ATOX1: variants seen among roughly 807,000 people sequenced by gnomAD.
ATOX1 encodes the protein copper transport protein ATOX1.
Under a neutral mutation model 7.3 loss-of-function variants are expected in ATOX1, and 4 were observed. The ratio of observed to expected loss-of-function variants is 0.55; its 90% CI spans 0.27 to 1.25. ATOX1 has a LOEUF of 1.25. Among genes scored for constraint, ATOX1 ranks in the 50% most tolerant of loss-of-function variants. The pLI, the probability that ATOX1 is intolerant of heterozygous loss-of-function variation, is 0.12. For synonymous variants in ATOX1, 25 were observed against 28.7 expected, an observed-to-expected ratio of 0.87 and a Z score of 0.41; for missense variants, 68 against 81.6, an observed-to-expected ratio of 0.83 and a Z score of 0.64.
At chr5:151,754,980 CAAAAAAA>C (rs79359321) in intron 1 of ATOX1, among the ~76,000 whole-genome samples, 35 of 48,882 alleles carry the variant, frequency 7.2e-4, no homozygotes, top group East Asian at 1.1e-3. Context: ...AGACACCGTC[CAAAAAAA>C]AAAAAAAAAA....
At chr5:151,752,177 G>C (rs1353721585) in intron 1 of ATOX1, 7 of 692,674 alleles carry the variant, frequency 1.0e-5, no homozygotes, top group Non-Finnish European at 1.8e-5. Context: ...TGCTGATCTG[G>C]TGGGCCCACT....
At chr5:151,746,915 G>A (rs1761885354) in intron 2 of ATOX1, among the ~76,000 whole-genome samples, 1 of 152,048 alleles carries the variant, frequency 6.6e-6, no homozygotes, top group Non-Finnish European at 1.5e-5. Context: ...TGTATTTTTA[G>A]TAGAGACAGG....
intron 1 of ATOX1, chr5:151,752,085 A>G (rs1761957708): frequency 1.7e-6 from 1 of 602,266 alleles, no homozygotes; most frequent in South Asian, 2.0e-5. Flanking sequence ...TCCTACCTTC[A>G]AAACACTGAT....
intron 2 of ATOX1, among the ~76,000 whole-genome samples, chr5:151,749,228 G>A (rs531038085): frequency 5.3e-5 from 8 of 152,294 alleles, no homozygotes; most frequent in African/African-American, 1.9e-4. Context: ...GCTCACGCCT[G>A]TAATCCCAGC....
At chr5:151,747,940 T>C (rs1012247205) in intron 2 of ATOX1, among the ~76,000 whole-genome samples, 4 of 152,192 alleles carry the variant, frequency 2.6e-5, no homozygotes, top group Non-Finnish European at 5.9e-5. Flanking sequence ...GTACCACACA[T>C]CCACTTAATT....
intron 3 of ATOX1, chr5:151,744,647 C>G (rs1221330837): frequency 6.6e-6 from 1 of 152,096 alleles, no homozygotes; most frequent in East Asian, 1.9e-4. Context: ...TCCTTCTCTG[C>G]CTCCATTCCT....
intron 2 of ATOX1, among the ~76,000 whole-genome samples, chr5:151,750,155 C>T (rs1014532293): frequency 2.6e-5 from 4 of 152,334 alleles, no homozygotes; most frequent in South Asian, 4.1e-4. Flanking sequence ...TCAGTTATTA[C>T]CTCACTGAGT....
At position 151,749,686 on chromosome 5, in the gene ATOX1, A is replaced by T. The variant is rs183914701; in HGVS notation, c.82+2018T>A. Among the ~76,000 whole-genome samples the T allele has an allele frequency of 2.8e-4, 42 of 152,000 alleles. No homozygotes were observed. The East Asian group carries it at 4.8e-3, about 17-fold the overall frequency. On this transcript the variant is annotated intron_variant, in intron 2 of 3. Coordinates refer to ENST00000313115, the MANE Select transcript of ATOX1 (RefSeq NM_004045.4). ...CAAAAAAAAAAAAAAAGAAAAAGAAAAAAAAAAGCATCAACAGCAAAAGCT... is the reference window on the plus strand; with the variant it reads ...CAAAAAAAAAAAAAAAGAAAAAGAATAAAAAAAGCATCAACAGCAAAAGCT...
chr5:151,747,314 C>T (rs1761889990), intron 2 of ATOX1, among the ~76,000 whole-genome samples: 1 of 152,118 alleles, frequency 6.6e-6, no homozygotes, highest in African/African-American at 2.4e-5. Context: ...GAGACAGGGT[C>T]TCACTGTGTT....
chr5:151,754,547 A>G (rs1002062876), intron 1 of ATOX1, among the ~76,000 whole-genome samples: 9 of 152,100 alleles, frequency 5.9e-5, no homozygotes, highest in African/African-American at 1.7e-4. Flanking sequence ...CAGGAGTTTG[A>G]GACTAGCCTG....
At chr5:151,747,120 A>C (rs1554078266) in intron 2 of ATOX1, among the ~76,000 whole-genome samples, 1 of 151,406 alleles carries the variant, frequency 6.6e-6, no homozygotes, top group Non-Finnish European at 1.5e-5. Flanking sequence ...AAGTAGAAGC[A>C]GTAAGGCCCC....
chr5:151,757,056 C>T (rs1043262085), intron 1 of ATOX1, among the ~76,000 whole-genome samples: 3 of 152,172 alleles, frequency 2.0e-5, no homozygotes, highest in African/African-American at 7.2e-5. Context: ...GGGCATTTGT[C>T]TGAGAAAACT....
chr5:151,746,221 G>C, intron 3 of ATOX1, 58 bp downstream of exon 3: 12 of 1,482,634 alleles, frequency 8.1e-6, no homozygotes, highest in Non-Finnish European at 1.1e-5. Context: ...CAAGGTGTTC[G>C]CTCTGATGAG....
chr5:151,743,491 T>C (rs958647560), intron 3 of ATOX1: 3 of 152,336 alleles, frequency 2.0e-5, no homozygotes, highest in South Asian at 2.1e-4. Context: ...AGCTGGCTTA[T>C]TGGGTGATTC....
At chr5:151,757,974 T>C (rs777189788) in intron 1 of ATOX1, among the ~76,000 whole-genome samples, 4 of 152,240 alleles carry the variant, frequency 2.6e-5, no homozygotes, top group Admixed American at 6.5e-5. Flanking sequence ...GGGGGGTTCC[T>C]GAACCTCTCT....
rs1762045096 is a variant in ATOX1 at position 151,758,587 on chromosome 5, G to A, written c.-36C>T. On this transcript the variant is annotated 5_prime_UTR_variant, in exon 1 of 4. Transcript: ENST00000313115. ...GCGGCGGTGTGGCGGCGGTGTGGCG[G>A]CGGTGTCAGCAGCGCCTCTCTGGAT... The A allele has an allele frequency of 1.4e-6, 2 of 1,412,280 alleles. No homozygotes were observed. The highest frequency in any genetic ancestry group is 2.9e-5 in the Admixed American group (1 of 34,010). 87.5% of individuals were successfully genotyped at this position (1,412,280 alleles called of 1,614,324 possible).
intron 1 of ATOX1, among the ~76,000 whole-genome samples, chr5:151,755,864 G>T (rs1338455463): frequency 6.6e-6 from 1 of 151,514 alleles, no homozygotes; most frequent in Non-Finnish European, 1.5e-5. Flanking sequence ...CTTTTATAAA[G>T]ACTTATAAAA....
chr5:151,758,288 G>C (rs1762040064), intron 1 of ATOX1, among the ~76,000 whole-genome samples: 2 of 152,250 alleles, frequency 1.3e-5, no homozygotes, highest in African/African-American at 2.4e-5. Context: ...TGTGTACGCA[G>C]GGAAGGTGTG....
intron 3 of ATOX1, chr5:151,744,047 A>G (rs1761852733): frequency 6.6e-6 from 1 of 152,276 alleles, no homozygotes; most frequent in Non-Finnish European, 1.5e-5. Context: ...AAAAAGGCAG[A>G]CACAAAAAGG....
Sources: allele counts gnomAD v4.1 joint callset (sites outside exome capture counted in the v4.1 genomes callset), GRCh38; gene constraint gnomAD v4.1.1; transcripts MANE v1.5; gene names NCBI Gene and HGNC (gene_info 2026-07-23, HGNC 2026-07-21).